Variants in MRE11 observed in about 807,000 individuals in gnomAD.
MRE11 encodes the protein MRE11 double strand break repair nuclease, also known as double-strand break repair protein MRE11.
In MRE11, 62 loss-of-function variants were observed where a neutral mutation model predicts 91.7. The observed-to-expected ratio is 0.68, with a 90% CI of 0.55 to 0.84. The LOEUF is 0.84. Among genes scored for constraint, MRE11 ranks in the 40% least tolerant of loss-of-function variants. MRE11 has a pLI of 0.00. For missense variants in MRE11, 796 were observed against 852.9 expected (o/e 0.93, Z 0.83); for synonymous variants, 273 against 271.4 (o/e 1.01, Z -0.06).
chr11:94,434,723 A>G (rs1449183095), intron 18 of MRE11, among the ~76,000 whole-genome samples: 1 of 152,114 alleles, frequency 6.6e-6, no homozygotes, highest in Non-Finnish European at 1.5e-5. Context: ...TCACCAGCCC[A>G]TAAGCACTCA....
chr11:94,473,961 A>G (rs990909216), intron 7 of MRE11, among the ~76,000 whole-genome samples: 1 of 152,162 alleles, frequency 6.6e-6, no homozygotes, highest in Non-Finnish European at 1.5e-5. Context: ...TGGACCTTGT[A>G]GGGCTGGATT....
rs752559168 is a variant in MRE11, at chr11:94,417,617, T to G, written c.*2508A>C. 86 of 232,966 alleles carry G rather than the reference T, an allele frequency of 3.7e-4. No homozygotes were observed. The highest frequency in any genetic ancestry group is 5.9e-4 in the Non-Finnish European group (70 of 117,954). 14.4% of individuals were successfully genotyped at this position (232,966 alleles called of 1,614,324 possible). On this transcript the variant is annotated 3_prime_UTR_variant, in exon 20 of 20. Coordinates refer to ENST00000323929, the MANE Select transcript of MRE11 (RefSeq NM_005591.4). ...AGTAGGAGCTTTTAAATTACAGAAG[T>G]TAGGGCTTGTTACCCAGAAAGGAGA...
At chr11:94,510,560 T>C in the MRE11 span, among the ~76,000 whole-genome samples, 1 of 152,366 alleles carries the variant, frequency 6.6e-6, no homozygotes, top group East Asian at 1.9e-4. Context: ...GTGTTTTTGC[T>C]TTCAAATTAT....
At chr11:94,485,885 C>A (rs756820656) in intron 4 of MRE11, 39 bp downstream of exon 4, 1 of 1,591,092 alleles carries the variant, frequency 6.3e-7, no homozygotes. Flanking sequence ...AAATACCATA[C>A]ACAAGTAATC....
chr11:94,490,688 C>T (rs567408917), intron 3 of MRE11, 145 bp downstream of exon 3: 1 of 839,672 alleles, frequency 1.2e-6, no homozygotes. Flanking sequence ...CATACAAAAT[C>T]AGCTTTGAGC....
At position 94,485,608 on chromosome 11, in the gene MRE11, A is replaced by AT. The variant is rs759826711; in HGVS notation, c.314+315dup. 0.057 allele frequency among the ~76,000 whole-genome samples: 8,030 copies of AT among 140,796 alleles called. 245 individuals are homozygous for AT. Among genetic ancestry groups the AT allele is most frequent in the African/African-American group, 0.063 (2,420 of 38,602 alleles). The allele number at this position is 140,796 out of a possible 152,430, so 92.4% of individuals were successfully genotyped here. A position where few individuals can be genotyped will look rare whatever the true frequency, so the allele number is the denominator to read the frequency against. Reference sequence around the variant, plus strand: ...GAGAAGATATTCAGTCCCACCATGTATTTTTTTTTTTTTTTTGAGATGGAG... The same window carrying AT: ...GAGAAGATATTCAGTCCCACCATGTATTTTTTTTTTTTTTTTTGAGATGGAG... On this transcript the variant is annotated intron_variant, in intron 4 of 19. Transcript: ENST00000323929.
chr11:94,466,166 G>A lies in MRE11; in HGVS notation c.1098+1647C>T, dbSNP rs117668889. 3.0e-4 allele frequency among the ~76,000 whole-genome samples: 45 copies of A among 152,198 alleles called. 2 individuals carry two copies. In the East Asian group the frequency reaches 7.7e-3, roughly 26 times the overall value. On this transcript the variant is annotated intron_variant, in intron 10 of 19. Coordinates refer to ENST00000323929, the MANE Select transcript of MRE11 (RefSeq NM_005591.4). ...ATAAACTCCACTGCACCCAGGGGAC[G>A]GCAGCTTTTTTGGTTTAGACCACAT... is the stretch of plus-strand genomic sequence containing the variant.
In MRE11 at chr11:94,445,748, G is replaced by A. The variant is rs1052604964; in HGVS notation, c.1867+62C>T. ...GCAACACAAATAAGGGCTACCAATG[G>A]TGATTACCTTGGTCTTTCTAATGTT... On this transcript the variant is annotated intron_variant, in intron 16 of 19. Coordinates refer to ENST00000323929, the MANE Select transcript of MRE11 (RefSeq NM_005591.4). 3.4e-6 allele frequency: 4 copies of A among 1,175,416 alleles called. No individual in the cohort carries two copies. The Admixed American group carries it at 5.0e-5, about 15-fold the overall frequency. The allele number at this position is 1,175,416 out of a possible 1,614,324, so 72.8% of individuals were successfully genotyped here. A position where few individuals can be genotyped will look rare whatever the true frequency, so the allele number is the denominator to read the frequency against.
chr11:94,467,946 G>A lies in MRE11; in HGVS notation c.1018-53C>T, dbSNP rs1195384226. The A allele has an allele frequency of 2.1e-6, 3 of 1,409,462 alleles. No individual in the cohort carries two copies. The South Asian group carries it at 3.5e-5, about 16-fold the overall frequency. The allele number at this position is 1,409,462 out of a possible 1,614,324, so 87.3% of individuals were successfully genotyped here. On this transcript the variant is annotated intron_variant, in intron 9 of 19. Coordinates refer to ENST00000323929, the MANE Select transcript of MRE11 (RefSeq NM_005591.4). ...CAACGTAGTAAACTGAGTTTAACTT[G>A]GCTGAATAGCAGCTTATTACCACAG... is the stretch of plus-strand genomic sequence containing the variant.
At chr11:94,422,662 T>C (rs1355446667) in intron 19 of MRE11, among the ~76,000 whole-genome samples, 1 of 152,194 alleles carries the variant, frequency 6.6e-6, no homozygotes, top group Non-Finnish European at 1.5e-5. Context: ...TCAACATATG[T>C]TACTTGTTAA....
At chr11:94,446,361 C>T (rs1220530366) in intron 15 of MRE11, among the ~76,000 whole-genome samples, 3 of 152,058 alleles carry the variant, frequency 2.0e-5, no homozygotes, top group Non-Finnish European at 2.9e-5. Flanking sequence ...GAGCTGAAAT[C>T]GCACCATTGC....
In MRE11 at chr11:94,478,780, C is replaced by T. The variant is rs1263915515; in HGVS notation, c.499G>A (p.Val167Ile). The change falls in exon 6 of 20, where the codon GTT (valine) becomes ATT (isoleucine). Residue 167 changes from valine (V) to isoleucine (I), a missense_variant. Val to Ile is a conservative substitution (Grantham distance 29). Coordinates refer to ENST00000323929, the MANE Select transcript of MRE11 (RefSeq NM_005591.4). ...TTTGTGCTTCCTTTTTGAAGCAAAA[C>T]CGGACTAATGTCTATCTTCTCCACA... ...MSVEKIDISP[V>I]LLQKGSTKIA... 6.2e-7 allele frequency: 1 copy of T among 1,613,494 alleles called. No homozygotes were observed. The highest frequency in any genetic ancestry group is 2.2e-5 in the East Asian group (1 of 44,828).
At chr11:94,450,893 G>A (rs1946082211) in intron 14 of MRE11, among the ~76,000 whole-genome samples, 1 of 152,088 alleles carries the variant, frequency 6.6e-6, no homozygotes, top group Non-Finnish European at 1.5e-5. Context: ...CTGGTCCTTT[G>A]GGACAAAACA....
chr11:94,451,270 T>C (rs1051711069), intron 14 of MRE11, among the ~76,000 whole-genome samples: 15 of 151,994 alleles, frequency 9.9e-5, no homozygotes, highest in Non-Finnish European at 1.5e-4. Flanking sequence ...AATGAATAAC[T>C]TAATCTGATC....
the MRE11 span, among the ~76,000 whole-genome samples, chr11:94,501,807 T>G: frequency 6.6e-6 from 1 of 152,064 alleles, no homozygotes; most frequent in Admixed American, 6.5e-5. Flanking sequence ...AGGGATAATA[T>G]CTATCTTGTT....
In MRE11 at chr11:94,445,821, G is replaced by C; in HGVS notation, c.1856C>G (p.Ser619Cys). ...KTAVSASRNM[S>C]IIDAFKSTRQ... ...CAGTCTATACTCACCATCTATAATA[G>C]ACATATTTCTAGATGCTGACACAGC... The change falls in exon 16 of 20, where the codon TCT becomes TGT. Residue 619 changes from serine (S) to cysteine (C), a missense_variant. By Grantham distance (112) the Ser-to-Cys change is moderately radical. Transcript: ENST00000323929. 6.2e-7 allele frequency: 1 copy of C among 1,608,450 alleles called. No homozygotes were observed. Among genetic ancestry groups the C allele is most frequent in the Non-Finnish European group, 8.5e-7 (1 of 1,174,932 alleles).
intron 3 of MRE11, among the ~76,000 whole-genome samples, chr11:94,488,992 T>C (rs1205487017): frequency 1.3e-5 from 2 of 152,048 alleles, no homozygotes; most frequent in African/African-American, 4.8e-5. Context: ...ATTTAAAATA[T>C]GTATACCCAC....
chr11:94,474,755 T>C (rs549377137), intron 7 of MRE11, among the ~76,000 whole-genome samples: 2 of 152,022 alleles, frequency 1.3e-5, no homozygotes, highest in Non-Finnish European at 2.9e-5. Context: ...ATGAGAAAAA[T>C]CAACATCATA....
chr11:94,464,371 A>G lies in MRE11; in HGVS notation c.1099-132T>C, dbSNP rs1946506080. The stretch of plus-strand genomic sequence containing the variant: ...AATTTATGAATTAATTTTCTACAGT[A>G]GATCATGATGGAGCTATATCATTTA... On this transcript the variant is annotated intron_variant, in intron 10 of 19. Coordinates refer to ENST00000323929, the MANE Select transcript of MRE11 (RefSeq NM_005591.4). 4 of 1,219,368 alleles carry G rather than the reference A, an allele frequency of 3.3e-6. No individual in the cohort carries two copies. The South Asian group carries it at 4.1e-5, about 12-fold the overall frequency. 75.5% of individuals were successfully genotyped at this position (1,219,368 alleles called of 1,614,324 possible).
Sources: allele counts gnomAD v4.1 joint callset (sites outside exome capture counted in the v4.1 genomes callset), GRCh38; gene constraint gnomAD v4.1.1; transcripts MANE v1.5; gene names NCBI Gene and HGNC (gene_info 2026-07-23, HGNC 2026-07-21).